The following CNTN2 variants were observed in gnomAD, a reference collection of about 807,000 sequenced individuals.
CNTN2 encodes the protein contactin-2.
Under a neutral mutation model 117.5 loss-of-function variants are expected in CNTN2, and 53 were observed. That is an observed-to-expected ratio of 0.45 (90% confidence interval 0.36 to 0.57). The LOEUF (loss-of-function observed/expected upper bound fraction) is 0.57. Among genes scored for constraint, CNTN2 ranks in the 20% least tolerant of loss-of-function variants. The probability of loss-of-function intolerance (pLI) is 0.00; values close to 1 mark genes in which losing one functional copy is unlikely to be tolerated. For synonymous variants in CNTN2, 530 were observed against 561.7 expected (o/e 0.94, Z 0.80); for missense variants, 1,106 against 1,404.3 (o/e 0.79, Z 3.39).
At position 205,059,662 on chromosome 1, in the gene CNTN2, G is replaced by T; in HGVS notation, c.777G>T (p.Leu259=). 6.2e-7 allele frequency: 1 copy of T among 1,613,976 alleles called. No individual in the cohort carries two copies. Among genetic ancestry groups the T allele is most frequent in the Non-Finnish European group, 8.5e-7 (1 of 1,179,998 alleles). The change falls in exon 7 of 23, where the codon CTG becomes CTT. Residue 259 remains leucine (L), a synonymous_variant. Transcript: ENST00000331830. This position sits in a 1 kb window ranked among gnomAD's most constrained non-coding sequence, Gnocchi z 5.6. ...CACTGGTGGGGCAGCAGGTCACCCTGGAGTGCTTCGCCTTTGGGAAGTGAG... is the reference window on the plus strand; with the variant it reads ...CACTGGTGGGGCAGCAGGTCACCCTTGAGTGCTTCGCCTTTGGGAAGTGAG... ...TYALVGQQVT[L]ECFAFGNPVP... is the part of the protein sequence containing the mutation.
chr1:205,067,001 T>C, intron 15 of CNTN2, 100 bp from the exon 16 acceptor site: 4 of 1,431,678 alleles, frequency 2.8e-6, no homozygotes, highest in Non-Finnish European at 3.8e-6. Flanking sequence ...AGTACCGAAG[T>C]GAGGGCTGGG....
At chr1:205,054,883 A>G (rs2096458590) in intron 2 of CNTN2, among the ~76,000 whole-genome samples, 1 of 152,102 alleles carries the variant, frequency 6.6e-6, no homozygotes, top group Non-Finnish European at 1.5e-5. Context: ...AAGGTTTCTG[A>G]CGCCTGTGTT....
In CNTN2 at chr1:205,073,084, A is replaced by T. The variant is rs767209651; in HGVS notation, c.2861A>T (p.Asp954Val). ...VTGYKMLYQN[D>V]LHLTPTLHLT... Reference sequence around the variant, plus strand: ...TTCCCACAGATGCTGTACCAGAATGACTTACACCTGACTCCCACGCTCCAC... The same window carrying T: ...TTCCCACAGATGCTGTACCAGAATGTCTTACACCTGACTCCCACGCTCCAC... Residue 954 changes from aspartate (D) to valine (V), a missense_variant, in exon 22 of 23, where the codon GAC (aspartate) becomes GTC (valine). Transcript: ENST00000331830. This position sits in a 1 kb window ranked among gnomAD's most constrained non-coding sequence, Gnocchi z 6.3. 6.2e-7 allele frequency: 1 copy of T among 1,614,088 alleles called. No individual in the cohort carries two copies. The highest frequency in any genetic ancestry group is 8.5e-7 in the Non-Finnish European group (1 of 1,179,974).
At position 205,065,976 on chromosome 1, in the gene CNTN2, G is replaced by C; in HGVS notation, c.1816+67G>C. The C allele has an allele frequency of 2.0e-6, 3 of 1,521,070 alleles. No individual in the cohort carries two copies. Among genetic ancestry groups the C allele is most frequent in the Non-Finnish European group, 2.6e-6 (3 of 1,132,814 alleles). 94.2% of individuals were successfully genotyped at this position (1,521,070 alleles called of 1,614,324 possible). ...AAACCCAGCTGGGCTGTTCTGACCT[G>C]CTCGCCTCATCTCCCCTCCCTTCCC... On this transcript the variant is annotated intron_variant, in intron 14 of 22. Coordinates refer to ENST00000331830, the MANE Select transcript of CNTN2 (RefSeq NM_005076.5). This position sits in a 1 kb window ranked among gnomAD's most constrained non-coding sequence, Gnocchi z 4.1.
rs188753557 is a variant in CNTN2 at position 205,046,991 on chromosome 1, G to A, written c.-87+3597G>A. Among the ~76,000 whole-genome samples the A allele has an allele frequency of 1.1e-3, 163 of 152,274 alleles. 2 individuals are homozygous for A. Among genetic ancestry groups the A allele is most frequent in the Admixed American group, 9.7e-3 (149 of 15,298 alleles). On this transcript the variant is annotated intron_variant, in intron 1 of 22. Transcript: ENST00000331830. ...GACTCTAGGCTCAGATCAAGGGCCAGACTCCCCCCTGCCCAATGCTAGAAG... is the reference window on the plus strand; with the variant it reads ...GACTCTAGGCTCAGATCAAGGGCCAAACTCCCCCCTGCCCAATGCTAGAAG...
rs142021392 is a variant in CNTN2 at position 205,058,326 on chromosome 1, G to A, written c.361G>A (p.Val121Ile). 2 of 1,526,814 alleles carry A rather than the reference G, an allele frequency of 1.3e-6. No homozygotes were observed. Among genetic ancestry groups the A allele is most frequent in the East Asian group, 4.5e-5 (2 of 43,996 alleles). 94.6% of individuals were successfully genotyped at this position (1,526,814 alleles called of 1,614,324 possible). Residue 121 changes from valine to isoleucine, a missense_variant, in exon 4 of 23, where the codon GTC becomes ATC. Val to Ile is a conservative substitution (Grantham distance 29). Coordinates refer to ENST00000331830, the MANE Select transcript of CNTN2 (RefSeq NM_005076.5). This position sits in a 1 kb window ranked among gnomAD's most constrained non-coding sequence, Gnocchi z 4.3. ...GGCCTCCAACCCAGTGGGCACCGTT[G>A]TCAGCAGGGAGGCCATCCTCCGCTT... ...CLASNPVGTV[V>I]SREAILRFGF...
At chr1:205,064,267 C>T (rs935781259) in intron 10 of CNTN2, 55 bp from the exon 11 acceptor site, 20 of 1,507,420 alleles carry the variant, frequency 1.3e-5, no homozygotes, top group Admixed American at 1.1e-4. Context: ...CGCCAAGTAA[C>T]GTCTTAATCA....
At chr1:205,063,421 G>A (rs1654092362) in intron 10 of CNTN2, 1 of 152,140 alleles carries the variant, frequency 6.6e-6, no homozygotes, top group Admixed American at 6.5e-5. Flanking sequence ...TCAAGCTCAG[G>A]AGTTTGAGAC....
In CNTN2 at chr1:205,073,654, A is replaced by G; in HGVS notation, c.3014-2A>G. 6.2e-7 allele frequency: 1 copy of G among 1,612,444 alleles called. No individual in the cohort carries two copies. On this transcript the variant is annotated splice_acceptor_variant, in intron 22 of 22. Transcript: ENST00000331830. LOFTEE classifies it high-confidence loss of function. This position sits in a 1 kb window ranked among gnomAD's most constrained non-coding sequence, Gnocchi z 6.3. ...AGCTGACTCAGCTTGTGCTGGTTTC[A>G]GGCACAAGCATGATGGTGGAGAACA...
intron 19 of CNTN2, 144 bp from the exon 20 acceptor site, chr1:205,071,803 T>A: frequency 1.4e-6 from 1 of 696,640 alleles, no homozygotes; most frequent in Non-Finnish European, 2.3e-6. Flanking sequence ...GTCTGGGTGC[T>A]CATGATCTAG....
At position 205,049,693 on chromosome 1, in the gene CNTN2, G is replaced by A. The variant is rs370963528; in HGVS notation, c.-86-3407G>A. Reference sequence around the variant, plus strand: ...CCCAGTGAGCTCCCGGGCCTGACAGGCTGGCAAAGAGCAAGGAGCAAATGA... The same window carrying A: ...CCCAGTGAGCTCCCGGGCCTGACAGACTGGCAAAGAGCAAGGAGCAAATGA... On this transcript the variant is annotated intron_variant, in intron 1 of 22. Coordinates refer to ENST00000331830, the MANE Select transcript of CNTN2 (RefSeq NM_005076.5). Among the ~76,000 whole-genome samples the A allele has an allele frequency of 2.0e-5, 3 of 152,194 alleles. No homozygotes were observed. In the East Asian group the frequency reaches 5.8e-4, roughly 29 times the overall value.
chr1:205,043,707 T>C (rs2096436127), intron 1 of CNTN2, among the ~76,000 whole-genome samples: 1 of 151,936 alleles, frequency 6.6e-6, no homozygotes, highest in Admixed American at 6.5e-5. Flanking sequence ...CAGCTGCCTG[T>C]GGAGAGGGCA....
In CNTN2 at chr1:205,073,387, C is replaced by T. The variant is rs2151200974; in HGVS notation, c.3013+151C>T. On this transcript the variant is annotated intron_variant, in intron 22 of 22. Transcript: ENST00000331830. This position sits in a 1 kb window ranked among gnomAD's most constrained non-coding sequence, Gnocchi z 6.3. Reference sequence around the variant, plus strand: ...AACCAAGTGCAAAGTAGTCTTAGAACTGCCTCGCCGCCACCTTTCTACCCA... The same window carrying T: ...AACCAAGTGCAAAGTAGTCTTAGAATTGCCTCGCCGCCACCTTTCTACCCA... 1.0e-6 allele frequency: 1 copy of T among 977,976 alleles called. No homozygotes were observed. Among genetic ancestry groups the T allele is most frequent in the Non-Finnish European group, 1.5e-6 (1 of 671,836 alleles). The allele number at this position is 977,976 out of a possible 1,614,324, so 60.6% of individuals were successfully genotyped here. A position where few individuals can be genotyped will look rare whatever the true frequency, so the allele number is the denominator to read the frequency against.
chr1:205,062,185 C>A, intron 9 of CNTN2, 184 bp downstream of exon 9: 1 of 876,422 alleles, frequency 1.1e-6, no homozygotes, highest in Non-Finnish European at 1.7e-6. Flanking sequence ...CAGGCTAGGC[C>A]TGGATCCAGG....
chr1:205,073,215 G>A lies in CNTN2; in HGVS notation c.2992G>A (p.Val998Ile). The A allele has an allele frequency of 6.2e-7, 1 of 1,614,042 alleles. No homozygotes were observed. ...GPGGDGIPAE[V>I]HIVRNGGTSM... Reference sequence around the variant, plus strand: ...CGGAGGGGATGGGATCCCTGCAGAAGTCCACATCGTGAGGAATGGAGGTGC... The same window carrying A: ...CGGAGGGGATGGGATCCCTGCAGAAATCCACATCGTGAGGAATGGAGGTGC... The change falls in exon 22 of 23, where the codon GTC (valine) becomes ATC (isoleucine). Residue 998 changes from valine to isoleucine, a missense_variant. By Grantham distance (29) the Val-to-Ile change is conservative. Coordinates refer to ENST00000331830, the MANE Select transcript of CNTN2 (RefSeq NM_005076.5). The surrounding 1 kb of genome is among the most constrained non-coding windows in gnomAD (Gnocchi z 6.3).
At chr1:205,064,826 G>A in intron 12 of CNTN2, 76 bp downstream of exon 12, 1 of 1,574,366 alleles carries the variant, frequency 6.4e-7, no homozygotes, top group South Asian at 1.2e-5. Flanking sequence ...CTGCTCCTGT[G>A]TCCACATTGC....
At chr1:205,051,173 C>T (rs1341846138) in intron 1 of CNTN2, among the ~76,000 whole-genome samples, 1 of 152,196 alleles carries the variant, frequency 6.6e-6, no homozygotes, top group African/African-American at 2.4e-5. Context: ...TATGATGTGC[C>T]AGGTACTTTG....
At position 205,053,191 on chromosome 1, in the gene CNTN2, G is replaced by T. The variant is rs1187458509; in HGVS notation, c.6G>T (p.Gly2=). The change falls in exon 2 of 23, where the codon GGG becomes GGT. Residue 2 remains glycine (G), a synonymous_variant. Transcript: ENST00000331830. M[G]TATRRKPHLL... Reference sequence around the variant, plus strand: ...CCTCTGCCCGGACATCCACCATGGGGACAGCCACCAGGAGGAAGCCACACC... The same window carrying T: ...CCTCTGCCCGGACATCCACCATGGGTACAGCCACCAGGAGGAAGCCACACC... 25 of 1,612,428 alleles carry T rather than the reference G, an allele frequency of 1.6e-5. No homozygotes were observed. Among genetic ancestry groups the T allele is most frequent in the Non-Finnish European group, 2.1e-5 (25 of 1,179,352 alleles).
chr1:205,074,601 G>A lies in CNTN2; in HGVS notation c.*836G>A. On this transcript the variant is annotated 3_prime_UTR_variant, in exon 23 of 23. Transcript: ENST00000331830. ...GGGTGACTAAAGGGCTTGTCTTGGT[G>A]GGGTCTCCCACCCCTCCAAGACCCA... is the stretch of plus-strand genomic sequence containing the variant. The A allele has an allele frequency of 2.5e-6, 1 of 398,846 alleles. No homozygotes were observed. The highest frequency in any genetic ancestry group is 4.4e-5 in the Admixed American group (1 of 22,738). The allele number at this position is 398,846 out of a possible 1,614,324, so 24.7% of individuals were successfully genotyped here.
Sources: gnomAD v4.1 joint callset for allele counts (sites outside exome capture counted in the v4.1 genomes callset) on GRCh38, gnomAD v4.1.1 for gene constraint, Gnocchi (gnomAD v3.1) non-coding constraint, MANE v1.5 for transcripts, NCBI Gene and HGNC (gene_info 2026-07-23, HGNC 2026-07-21) for gene names.